STXBP5: variants seen among roughly 807,000 people sequenced by gnomAD.
The protein encoded by STXBP5 is syntaxin-binding protein 5.
A neutral mutation model predicts 152.4 loss-of-function variants in STXBP5; 50 were observed. The observed-to-expected ratio is 0.33, with a 90% confidence interval of 0.26 to 0.42. The LOEUF (loss-of-function observed/expected upper bound fraction) is 0.42. Among genes scored for constraint, STXBP5 ranks in the 10% least tolerant of loss-of-function variants. The pLI is 1.00. For synonymous variants in STXBP5, 492 were observed against 494.7 expected, an observed-to-expected ratio of 0.99 and a Z score of 0.07; for missense variants, 1,167 against 1,388.6, an observed-to-expected ratio of 0.84 and a Z score of 2.54.
intron 9 of STXBP5, among the ~76,000 whole-genome samples, chr6:147,296,568 T>C (rs188866388): frequency 6.5e-4 from 99 of 152,054 alleles, no homozygotes; most frequent in Admixed American, 1.9e-3. Context: ...AACACAAATA[T>C]GAAAAAGCAA....
Position 147,204,715 on chromosome 6 carries a change from A to T in STXBP5, c.150+33A>T. The stretch of plus-strand genomic sequence containing the variant: ...GAGCGCGCAGCCCCGCGACACCGTC[A>T]TTGAAAAATTGGGGTTGTTTTAAGG... On this transcript the variant is annotated intron_variant, in intron 1 of 27. Coordinates refer to ENST00000321680, the MANE Select transcript of STXBP5 (RefSeq NM_001127715.4). The surrounding 1 kb of genome is among the most constrained non-coding windows in gnomAD (Gnocchi z 4.3). 6.6e-7 allele frequency: 1 copy of T among 1,523,196 alleles called. No homozygotes were observed. The allele number at this position is 1,523,196 out of a possible 1,614,324, so 94.4% of individuals were successfully genotyped here. A position where few individuals can be genotyped will look rare whatever the true frequency, so the allele number is the denominator to read the frequency against.
At chr6:147,242,591 C>A (rs1472752579) in intron 4 of STXBP5, among the ~76,000 whole-genome samples, 1 of 152,018 alleles carries the variant, frequency 6.6e-6, no homozygotes, top group Non-Finnish European at 1.5e-5. Context: ...TTTACTGTAC[C>A]TTTTTATGTT....
intron 8 of STXBP5, among the ~76,000 whole-genome samples, chr6:147,278,846 C>G (rs1242744339): frequency 2.0e-5 from 3 of 152,196 alleles, no homozygotes; most frequent in East Asian, 1.9e-4. Flanking sequence ...CTTCATTCCA[C>G]TAACAAGGAG....
intron 26 of STXBP5, among the ~76,000 whole-genome samples, chr6:147,376,823 T>A (rs1785833079): frequency 6.6e-6 from 1 of 151,872 alleles, no homozygotes; most frequent in Non-Finnish European, 1.5e-5. Context: ...AAAAATACAT[T>A]AATTAATTAA....
At chr6:147,257,174 T>C (rs1454057278) in intron 4 of STXBP5, among the ~76,000 whole-genome samples, 3 of 151,218 alleles carry the variant, frequency 2.0e-5, no homozygotes, top group African/African-American at 7.3e-5. Context: ...CAAGTTGTAT[T>C]CTACAAGAAT....
intron 26 of STXBP5, among the ~76,000 whole-genome samples, 188 bp downstream of exon 26, chr6:147,374,030 A>G (rs112070581): frequency 1.3e-5 from 2 of 152,178 alleles, no homozygotes; most frequent in African/African-American, 4.8e-5. Context: ...TACTTTACTC[A>G]AGGAAATATC....
chr6:147,279,135 G>A (rs1780582569), intron 8 of STXBP5, among the ~76,000 whole-genome samples: 2 of 152,194 alleles, frequency 1.3e-5, no homozygotes, highest in Non-Finnish European at 2.9e-5. Flanking sequence ...GATCTTTGTA[G>A]TGATAGCAGC....
chr6:147,325,737 T>A (rs1783216708), intron 17 of STXBP5, among the ~76,000 whole-genome samples: 1 of 152,196 alleles, frequency 6.6e-6, no homozygotes, highest in African/African-American at 2.4e-5. Context: ...GTTCATTGTC[T>A]CCTTGCTTGA....
At position 147,387,151 on chromosome 6, in the gene STXBP5, G is replaced by A. The variant is rs1391496003; in HGVS notation, c.*2396G>A. The A allele has an allele frequency of 6.6e-6, 1 of 151,600 alleles. No homozygotes were observed. Among genetic ancestry groups the A allele is most frequent in the Non-Finnish European group, 1.5e-5 (1 of 67,682 alleles). 9.4% of individuals were successfully genotyped at this position (151,600 alleles called of 1,614,324 possible). On this transcript the variant is annotated 3_prime_UTR_variant, in exon 28 of 28. Coordinates refer to ENST00000321680, the MANE Select transcript of STXBP5 (RefSeq NM_001127715.4). ...AAGTATGTTTGAGTGTAGGAAATAA[G>A]CTTCTCAGAGTTATACTTGATTCTG... is the stretch of plus-strand genomic sequence containing the variant.
At chr6:147,328,148 A>G (rs1297679647) in intron 18 of STXBP5, among the ~76,000 whole-genome samples, 4 of 152,314 alleles carry the variant, frequency 2.6e-5, no homozygotes, top group Middle Eastern at 6.8e-3. Flanking sequence ...ATACTTAGCT[A>G]TATATACCAG....
At chr6:147,211,321 A>AT (rs1334515263) in intron 2 of STXBP5, among the ~76,000 whole-genome samples, 5 of 152,002 alleles carry the variant, frequency 3.3e-5, no homozygotes, top group Non-Finnish European at 7.4e-5. Context: ...AAAAAAAAAA[A>AT]AAAAAGGTTG....
intron 21 of STXBP5, among the ~76,000 whole-genome samples, chr6:147,346,702 T>G (rs1784350022): frequency 6.6e-6 from 1 of 152,012 alleles, no homozygotes; most frequent in Non-Finnish European, 1.5e-5. Context: ...ATTGCACCAC[T>G]TCACTCCAGT....
intron 9 of STXBP5, among the ~76,000 whole-genome samples, chr6:147,294,692 A>AT (rs201332866): frequency 2.0e-5 from 3 of 152,176 alleles, no homozygotes; most frequent in Non-Finnish European, 1.5e-5. Context: ...GTCAAAAAAA[A>AT]TTTTTAGATA....
chr6:147,275,054 T>C (rs1780370885), intron 7 of STXBP5, among the ~76,000 whole-genome samples: 1 of 152,146 alleles, frequency 6.6e-6, no homozygotes, highest in Admixed American at 6.5e-5. Flanking sequence ...AGTTAGCCTG[T>C]TTTGTCTTCC....
intron 2 of STXBP5, among the ~76,000 whole-genome samples, chr6:147,214,372 A>G (rs1225302005): frequency 6.6e-6 from 1 of 152,210 alleles, no homozygotes; most frequent in South Asian, 2.1e-4. Flanking sequence ...TCTGTTTACC[A>G]TGTAACTTAT....
intron 23 of STXBP5, among the ~76,000 whole-genome samples, chr6:147,362,883 G>A (rs910224857): frequency 1.3e-5 from 2 of 152,112 alleles, no homozygotes; most frequent in South Asian, 2.1e-4. Context: ...CTCACCATGC[G>A]CTGCAGTTGT....
At chr6:147,249,138 G>A (rs937759614) in intron 4 of STXBP5, among the ~76,000 whole-genome samples, 1 of 152,128 alleles carries the variant, frequency 6.6e-6, no homozygotes, top group Non-Finnish European at 1.5e-5. Context: ...GTGGATTTTA[G>A]CCTGTAAGTC....
chr6:147,263,346 T>TC (rs1346532125), intron 6 of STXBP5, among the ~76,000 whole-genome samples: 3 of 143,116 alleles, frequency 2.1e-5, no homozygotes, highest in African/African-American at 8.3e-5. Context: ...TTCTTTCTTT[T>TC]TTTTTTTTTT....
At chr6:147,328,069 C>A (rs1478656988) in intron 18 of STXBP5, among the ~76,000 whole-genome samples, 8 of 152,170 alleles carry the variant, frequency 5.3e-5, no homozygotes, top group African/African-American at 9.6e-5. Context: ...TTATAGAGTT[C>A]TTTTATGTTT....
Sources: gnomAD v4.1 joint callset for allele counts (sites outside exome capture counted in the v4.1 genomes callset) on GRCh38, gnomAD v4.1.1 for gene constraint, Gnocchi (gnomAD v3.1) non-coding constraint, MANE v1.5 for transcripts, NCBI Gene and HGNC (gene_info 2026-07-23, HGNC 2026-07-21) for gene names.